The following HEYL variants were observed in gnomAD, a reference collection of about 807,000 sequenced individuals.
HEYL encodes the protein hairy/enhancer-of-split related with YRPW motif-like protein.
Under a neutral mutation model 18.6 loss-of-function variants are expected in HEYL, and 12 were observed. That is an observed-to-expected ratio of 0.65 (90% confidence interval 0.41 to 1.05). The LOEUF (loss-of-function observed/expected upper bound fraction) is 1.05. Ranked by LOEUF, HEYL falls within the 50% of genes least tolerant of loss-of-function variation. The pLI is 0.00. For missense variants in HEYL, 420 were observed against 444.7 expected, an observed-to-expected ratio of 0.94 and a Z score of 0.50; for synonymous variants, 159 against 179.6, an observed-to-expected ratio of 0.89 and a Z score of 0.91.
chr1:39,625,210 G>C lies in HEYL; in HGVS notation c.*1297C>G, dbSNP rs1020853505. 1 of 152,268 alleles carries C rather than the reference G, an allele frequency of 6.6e-6. No individual in the cohort carries two copies. The highest frequency in any genetic ancestry group is 1.5e-5 in the Non-Finnish European group (1 of 68,078). The allele number at this position is 152,268 out of a possible 1,614,324, so 9.4% of individuals were successfully genotyped here. On this transcript the variant is annotated 3_prime_UTR_variant, in exon 5 of 5. Transcript: ENST00000372852. The stretch of plus-strand genomic sequence containing the variant: ...GATATTTACCAACGAGTACAGAAGG[G>C]TTTCTGCATTTTATCAACTGGTGTG...
chr1:39,631,126 T>C (rs1646330764), intron 3 of HEYL, among the ~76,000 whole-genome samples: 1 of 152,192 alleles, frequency 6.6e-6, no homozygotes, highest in South Asian at 2.1e-4. Context: ...TCTAGAAATG[T>C]CTGTAGTGCA....
Position 39,632,634 on chromosome 1 carries a change from G to T in HEYL, c.147+15C>A, listed in dbSNP as rs777512691. ...CCCTTTGTTGGTCAACTCAGAGGCT[G>T]AGACGGACACTCACCCCTCTGTGTT... On this transcript the variant is annotated intron_variant, in intron 2 of 4. Transcript: ENST00000372852. 6.2e-7 allele frequency: 1 copy of T among 1,611,336 alleles called. No individual in the cohort carries two copies. The highest frequency in any genetic ancestry group is 1.7e-5 in the Admixed American group (1 of 59,796).
chr1:39,637,807 T>C (rs1022255958), intron 1 of HEYL, among the ~76,000 whole-genome samples: 2 of 152,224 alleles, frequency 1.3e-5, no homozygotes, highest in Non-Finnish European at 2.9e-5. Context: ...CCTTGCCATC[T>C]TTGATTAAGA....
rs908856416 is a variant in HEYL at position 39,629,364 on chromosome 1, A to G, written c.313+863T>C. On this transcript the variant is annotated intron_variant, in intron 4 of 4. Coordinates refer to ENST00000372852, the MANE Select transcript of HEYL (RefSeq NM_014571.4). ...TTTGGCAGAAGTTCCCAAATGGACC[A>G]CCTGCACCAGGATAATTGGGTGGCT... is the stretch of plus-strand genomic sequence containing the variant. Among the ~76,000 whole-genome samples, 4 of 152,220 alleles carry G rather than the reference A, an allele frequency of 2.6e-5. No homozygotes were observed. The South Asian group carries it at 8.3e-4, about 32-fold the overall frequency.
chr1:39,630,765 C>A (rs148270837), intron 3 of HEYL, among the ~76,000 whole-genome samples: 1 of 152,246 alleles, frequency 6.6e-6, no homozygotes, highest in African/African-American at 2.4e-5. Context: ...TCTAGCTCAT[C>A]ATCTTATCCC....
intron 1 of HEYL, among the ~76,000 whole-genome samples, chr1:39,636,299 C>G (rs1446633192): frequency 6.7e-6 from 1 of 150,150 alleles, no homozygotes; most frequent in African/African-American, 2.5e-5. Context: ...CAGAGTCTTA[C>G]TCTGTCACCC....
intron 4 of HEYL, among the ~76,000 whole-genome samples, chr1:39,627,920 A>T (rs1423748796): frequency 1.3e-5 from 2 of 152,234 alleles, no homozygotes; most frequent in Non-Finnish European, 2.9e-5. Context: ...CTCAAAAGGC[A>T]ATCTGGAAAG....
intron 1 of HEYL, among the ~76,000 whole-genome samples, chr1:39,635,975 T>C (rs1387549649): frequency 2.0e-5 from 3 of 152,222 alleles, no homozygotes; most frequent in African/African-American, 2.4e-5. Flanking sequence ...TAGTGGCTCC[T>C]AGCCAGAATT....
In HEYL at chr1:39,632,722, A is replaced by G; in HGVS notation, c.81-7T>C. The stretch of plus-strand genomic sequence containing the variant: ...CAGCGGCCTGGCCATCTGGCTGGAA[A>G]GGAAAAGAAAAGCTGATTTTTCAGG... On this transcript the variant is annotated splice_polypyrimidine_tract_variant and splice_region_variant and intron_variant, in intron 1 of 4. Coordinates refer to ENST00000372852, the MANE Select transcript of HEYL (RefSeq NM_014571.4). 1 of 1,614,020 alleles carries G rather than the reference A, an allele frequency of 6.2e-7. No homozygotes were observed. Among genetic ancestry groups the G allele is most frequent in the Non-Finnish European group, 8.5e-7 (1 of 1,179,922 alleles).
intron 1 of HEYL, among the ~76,000 whole-genome samples, chr1:39,638,329 T>C (rs1029728045): frequency 4.6e-5 from 7 of 152,162 alleles, no homozygotes; most frequent in Non-Finnish European, 2.9e-5. Flanking sequence ...CACTGGCTTA[T>C]GTCTGTAATC....
At chr1:39,629,167 G>T (rs1450818745) in intron 4 of HEYL, among the ~76,000 whole-genome samples, 1 of 152,122 alleles carries the variant, frequency 6.6e-6, no homozygotes. Context: ...CATCTTGCAG[G>T]TTCTTGTGAG....
At chr1:39,628,473 T>G (rs1646312495) in intron 4 of HEYL, among the ~76,000 whole-genome samples, 3 of 152,312 alleles carry the variant, frequency 2.0e-5, no homozygotes, top group South Asian at 4.1e-4. Flanking sequence ...GAGACAGGGT[T>G]TCACCATGTT....
Position 39,632,568 on chromosome 1 carries a change from A to C in HEYL, c.147+81T>G, listed in dbSNP as rs1646339359. Reference sequence around the variant, plus strand: ...TAGCTTCATGGTGAAATTTCTGCCTAGGGTTCTCCCCGCCGCCAGACTGCA... The same window carrying C: ...TAGCTTCATGGTGAAATTTCTGCCTCGGGTTCTCCCCGCCGCCAGACTGCA... On this transcript the variant is annotated intron_variant, in intron 2 of 4. Coordinates refer to ENST00000372852, the MANE Select transcript of HEYL (RefSeq NM_014571.4). 2.4e-6 allele frequency: 3 copies of C among 1,252,536 alleles called. No homozygotes were observed. The African/African-American group carries it at 4.5e-5, about 19-fold the overall frequency. 77.6% of individuals were successfully genotyped at this position (1,252,536 alleles called of 1,614,324 possible).
chr1:39,628,467 C>T (rs1385236092), intron 4 of HEYL, among the ~76,000 whole-genome samples: 1 of 152,090 alleles, frequency 6.6e-6, no homozygotes, highest in Non-Finnish European at 1.5e-5. Flanking sequence ...TTAGTAGAGA[C>T]AGGGTTTCAC....
rs1025712923 is a variant in HEYL, at chr1:39,627,333, TG to T, written c.314-154del. Among the ~76,000 whole-genome samples the T allele has an allele frequency of 1.1e-4, 16 of 152,326 alleles. 1 individual carries two copies. The highest frequency in any genetic ancestry group is 1.5e-4 in the Non-Finnish European group (10 of 68,018). ...GCCTCTCTGAGCCTGTCTCCCCATC[TG>T]CAAAGTGAGAACAAAAATCCCTTCC... On this transcript the variant is annotated intron_variant, in intron 4 of 4. Coordinates refer to ENST00000372852, the MANE Select transcript of HEYL (RefSeq NM_014571.4).
At chr1:39,637,791 A>G (rs1404535932) in intron 1 of HEYL, among the ~76,000 whole-genome samples, 2 of 152,214 alleles carry the variant, frequency 1.3e-5, no homozygotes, top group Non-Finnish European at 2.9e-5. Flanking sequence ...ATCTTCAAGA[A>G]GCCCTCCTTG....
At chr1:39,632,454 A>T (rs535932020) in intron 2 of HEYL, among the ~76,000 whole-genome samples, 195 bp downstream of exon 2, 1 of 152,368 alleles carries the variant, frequency 6.6e-6, no homozygotes, top group South Asian at 2.1e-4. Context: ...AGTTACACAA[A>T]GGAGCAAATC....
chr1:39,631,401 C>T (rs1646332018), intron 3 of HEYL, 95 bp downstream of exon 3: 2 of 979,642 alleles, frequency 2.0e-6, no homozygotes, highest in East Asian at 2.4e-5. Context: ...GCATCTCAGG[C>T]AGCTGCTACC....
intron 1 of HEYL, chr1:39,633,660 C>G (rs1646348286): frequency 6.6e-6 from 1 of 152,402 alleles, no homozygotes; most frequent in Admixed American, 6.5e-5. Flanking sequence ...CAACAAACAA[C>G]AAACAAGGTG....
Sources: gnomAD v4.1 joint callset for allele counts (sites outside exome capture counted in the v4.1 genomes callset) on GRCh38, gnomAD v4.1.1 for gene constraint, MANE v1.5 for transcripts, NCBI Gene and HGNC (gene_info 2026-07-23, HGNC 2026-07-21) for gene names.